STAG1: variants seen among roughly 807,000 people sequenced by gnomAD.
STAG1 encodes STAG1 cohesin complex component.
In STAG1, 26 loss-of-function variants were observed where a neutral mutation model predicts 170.9. The observed-to-expected ratio is 0.15, with a 90% confidence interval of 0.11 to 0.21. The LOEUF (loss-of-function observed/expected upper bound fraction) is 0.21, where lower values mean the gene tolerates loss of function less well. STAG1 is among the 10% of genes least tolerant of loss of function. The pLI, the probability that STAG1 is intolerant of heterozygous loss-of-function variation, is 1.00. For synonymous variants in STAG1, 514 were observed against 497.7 expected (o/e 1.03, Z -0.44); for missense variants, 964 against 1,509.5 (o/e 0.64, Z 5.99).
intron 15 of STAG1, among the ~76,000 whole-genome samples, chr3:136,438,676 C>A (rs1480351756): frequency 6.6e-6 from 1 of 151,786 alleles, no homozygotes; most frequent in Non-Finnish European, 1.5e-5. Context: ...TTTTGGTCTG[C>A]CTTCTTCAGG....
intron 1 of STAG1, among the ~76,000 whole-genome samples, chr3:136,710,046 T>C (rs1186140738): frequency 1.3e-5 from 2 of 151,972 alleles, no homozygotes; most frequent in African/African-American, 2.4e-5. Context: ...AAAAATAAAA[T>C]AAAATAAATT....
intron 6 of STAG1, among the ~76,000 whole-genome samples, chr3:136,528,136 G>A (rs767849454): frequency 1.3e-5 from 2 of 152,166 alleles, no homozygotes; most frequent in African/African-American, 4.8e-5. Context: ...ATTTAAGTCC[G>A]CAGAAGTTTC....
intron 20 of STAG1, among the ~76,000 whole-genome samples, chr3:136,419,127 G>A (rs528941254): frequency 6.6e-6 from 1 of 152,072 alleles, no homozygotes; most frequent in South Asian, 2.1e-4. Flanking sequence ...ATGTGATAAT[G>A]GTAAATTTTT....
chr3:136,729,806 T>C (rs990467921), intron 1 of STAG1, among the ~76,000 whole-genome samples: 4 of 150,930 alleles, frequency 2.7e-5, no homozygotes, highest in African/African-American at 7.3e-5. Flanking sequence ...CTTGAACTCC[T>C]AGCCTCAAGT....
intron 1 of STAG1, among the ~76,000 whole-genome samples, chr3:136,733,675 A>G (rs959562336): frequency 2.6e-5 from 4 of 152,212 alleles, no homozygotes; most frequent in South Asian, 4.1e-4. Flanking sequence ...CTGTGAACAC[A>G]TGAGATTTTT....
chr3:136,432,815 C>A (rs2088347914), intron 16 of STAG1, among the ~76,000 whole-genome samples: 2 of 152,190 alleles, frequency 1.3e-5, no homozygotes, highest in Non-Finnish European at 2.9e-5. Context: ...TCTCTGACAA[C>A]AAAGCTTCTG....
intron 4 of STAG1, among the ~76,000 whole-genome samples, chr3:136,586,506 G>A (rs764942232): frequency 3.7e-4 from 57 of 152,120 alleles, no homozygotes; most frequent in Non-Finnish European, 7.5e-4. Context: ...CTAAGCTCAC[G>A]AGTAACAGTA....
intron 1 of STAG1, among the ~76,000 whole-genome samples, chr3:136,723,642 T>G (rs1933454087): frequency 1.5e-5 from 2 of 131,976 alleles, no homozygotes; most frequent in Non-Finnish European, 1.6e-5. Flanking sequence ...AGCCGCCCCG[T>G]CCGGGAGGGA....
chr3:136,716,628 T>A (rs1943548214), intron 1 of STAG1, among the ~76,000 whole-genome samples: 1 of 152,184 alleles, frequency 6.6e-6, no homozygotes, highest in Non-Finnish European at 1.5e-5. Context: ...CCGGGACAAC[T>A]AAAGTGAGAC....
intron 14 of STAG1, among the ~76,000 whole-genome samples, chr3:136,446,518 G>A (rs528159262): frequency 1.3e-5 from 2 of 151,574 alleles, no homozygotes; most frequent in Admixed American, 6.6e-5. Flanking sequence ...CGCCTCCCAG[G>A]TTCAAGCGAT....
intron 18 of STAG1, 70 bp from the exon 19 acceptor site, chr3:136,422,683 C>A: frequency 6.5e-7 from 1 of 1,540,402 alleles, no homozygotes; most frequent in Non-Finnish European, 8.8e-7. Flanking sequence ...TAGCATCTGT[C>A]AAATAACAAG....
chr3:136,470,328 T>C (rs1270919532), intron 12 of STAG1, among the ~76,000 whole-genome samples: 2 of 152,090 alleles, frequency 1.3e-5, no homozygotes, highest in Non-Finnish European at 2.9e-5. Context: ...GGGCAAAGGA[T>C]ATGAACAGAC....
At position 136,452,245 on chromosome 3, in the gene STAG1, CA is replaced by C. The variant is rs932790615; in HGVS notation, c.1314-99del. Reference sequence around the variant, plus strand: ...TTTCAGTGTTTAACAACAACAACAACAAAAAGGGGGAGCAGGGAGAACGAGC... The same window carrying C: ...TTTCAGTGTTTAACAACAACAACAACAAAAGGGGGAGCAGGGAGAACGAGC... On this transcript the variant is annotated intron_variant, in intron 13 of 33. Coordinates refer to ENST00000383202, the MANE Select transcript of STAG1 (RefSeq NM_005862.3). The C allele has an allele frequency of 1.9e-4, 143 of 760,388 alleles. No individual in the cohort carries two copies. The African/African-American group carries it at 2.3e-3, about 12-fold the overall frequency. 47.1% of individuals were successfully genotyped at this position (760,388 alleles called of 1,614,324 possible). A position where few individuals can be genotyped will look rare whatever the true frequency, so the allele number is the denominator to read the frequency against.
intron 22 of STAG1, among the ~76,000 whole-genome samples, chr3:136,393,187 C>T (rs1001275202): frequency 6.6e-6 from 1 of 152,062 alleles, no homozygotes; most frequent in African/African-American, 2.4e-5. Context: ...ATATTAAATA[C>T]ATTTAACATA....
chr3:136,680,072 C>A (rs1415085838), intron 1 of STAG1, among the ~76,000 whole-genome samples: 1 of 151,916 alleles, frequency 6.6e-6, no homozygotes, highest in Non-Finnish European at 1.5e-5. Context: ...AAATAATAAA[C>A]TACAGTCTGG....
chr3:136,510,961 T>C (rs978618763), intron 7 of STAG1, among the ~76,000 whole-genome samples: 12 of 151,536 alleles, frequency 7.9e-5, no homozygotes, highest in Admixed American at 2.0e-4. Context: ...TTAGTAGAGA[T>C]AGGTTTCACC....
chr3:136,504,999 A>G (rs997574624), intron 7 of STAG1, among the ~76,000 whole-genome samples: 5 of 152,210 alleles, frequency 3.3e-5, no homozygotes, highest in African/African-American at 1.2e-4. Context: ...CTGAGATAAA[A>G]TATTTTTAAA....
At chr3:136,568,690 A>G (rs1045180791) in intron 5 of STAG1, 75 bp downstream of exon 5, 4 of 923,588 alleles carry the variant, frequency 4.3e-6, no homozygotes, top group Non-Finnish European at 7.0e-6. Flanking sequence ...ATATACGACT[A>G]GTGGCAGGTG....
intron 7 of STAG1, among the ~76,000 whole-genome samples, chr3:136,515,971 A>G (rs189571441): frequency 3.3e-5 from 5 of 152,178 alleles, no homozygotes; most frequent in Non-Finnish European, 5.9e-5. Context: ...AAGACAAAGT[A>G]AAAGTACAAA....
Sources: allele counts gnomAD v4.1 joint callset (sites outside exome capture counted in the v4.1 genomes callset), GRCh38; gene constraint gnomAD v4.1.1; transcripts MANE v1.5; gene names NCBI Gene and HGNC (gene_info 2026-07-23, HGNC 2026-07-21).